Variants in SOS2 observed in about 807,000 individuals in gnomAD.
SOS2 encodes the protein son of sevenless homolog 2.
SOS2 carries 65 observed loss-of-function variants against 148.2 expected under a neutral mutation model. The ratio of observed to expected loss-of-function variants is 0.44; its 90% CI spans 0.36 to 0.54. SOS2 has a LOEUF of 0.54. Among genes scored for constraint, SOS2 ranks in the 20% least tolerant of loss-of-function variants. The probability of loss-of-function intolerance (pLI) is 0.00; values close to 1 mark genes in which losing one functional copy is unlikely to be tolerated. For missense variants in SOS2, 1,341 were observed against 1,590.2 expected (o/e 0.84, Z 2.67); for synonymous variants, 539 against 537.1 (o/e 1.00, Z -0.05).
intron 21 of SOS2, among the ~76,000 whole-genome samples, chr14:50,128,910 G>A (rs1475087511): frequency 6.6e-6 from 1 of 151,998 alleles, no homozygotes; most frequent in Non-Finnish European, 1.5e-5. Flanking sequence ...ATGAGCCACT[G>A]TGCCTGGCCA....
chr14:50,228,435 C>T (rs1324349219), intron 1 of SOS2, among the ~76,000 whole-genome samples: 1 of 152,034 alleles, frequency 6.6e-6, no homozygotes, highest in Non-Finnish European at 1.5e-5. Flanking sequence ...GTATGTAACC[C>T]AACAGTCTTA....
chr14:50,141,979 T>A lies in SOS2; in HGVS notation c.2668-1920A>T, dbSNP rs146893777. On this transcript the variant is annotated intron_variant, in intron 16 of 22. Coordinates refer to ENST00000216373, the MANE Select transcript of SOS2 (RefSeq NM_006939.4). Reference sequence around the variant, plus strand: ...GGCCTACAGATATAGGCATTCAATTTATGACACATTTATTAAATACATTAA... The same window carrying A: ...GGCCTACAGATATAGGCATTCAATTAATGACACATTTATTAAATACATTAA... Among the ~76,000 whole-genome samples the A allele has an allele frequency of 2.4e-4, 36 of 151,824 alleles. 1 individual carries two copies. In the East Asian group the frequency reaches 7.0e-3, roughly 29 times the overall value.
At chr14:50,127,677 A>G (rs942057210) in intron 21 of SOS2, among the ~76,000 whole-genome samples, 5 of 152,168 alleles carry the variant, frequency 3.3e-5, no homozygotes, top group African/African-American at 1.2e-4. Flanking sequence ...TCTGTATGAC[A>G]TTGGGTCCTC....
chr14:50,142,510 T>A (rs1331163040), intron 16 of SOS2, among the ~76,000 whole-genome samples: 1 of 152,182 alleles, frequency 6.6e-6, no homozygotes, highest in Non-Finnish European at 1.5e-5. Flanking sequence ...TCAATACTTA[T>A]CCAGTTCCAC....
At chr14:50,212,599 T>C (rs1165918504) in intron 1 of SOS2, among the ~76,000 whole-genome samples, 1 of 152,358 alleles carries the variant, frequency 6.6e-6, no homozygotes, top group East Asian at 1.9e-4. Context: ...CCTTAAACTG[T>C]ATATTTATCC....
chr14:50,181,954 T>C (rs1274515047), intron 6 of SOS2, among the ~76,000 whole-genome samples: 2 of 146,602 alleles, frequency 1.4e-5, no homozygotes, highest in Non-Finnish European at 1.5e-5. Context: ...CTATGGTCAA[T>C]AAAATGTATC....
intron 1 of SOS2, among the ~76,000 whole-genome samples, chr14:50,210,440 C>T (rs909824977): frequency 6.6e-6 from 1 of 152,056 alleles, no homozygotes; most frequent in Admixed American, 6.6e-5. Context: ...AAAGCTCTGA[C>T]AGTGTAAAAC....
chr14:50,137,505 A>T (rs1453020268), intron 18 of SOS2, among the ~76,000 whole-genome samples: 1 of 152,216 alleles, frequency 6.6e-6, no homozygotes, highest in East Asian at 1.9e-4. Flanking sequence ...TTCAAAAGAA[A>T]GTACTTAGTA....
chr14:50,181,014 G>A (rs1449259850), intron 6 of SOS2, among the ~76,000 whole-genome samples: 3 of 152,128 alleles, frequency 2.0e-5, no homozygotes, highest in Non-Finnish European at 4.4e-5. Flanking sequence ...AGTTAGTGAA[G>A]GGAAAGGGTG....
chr14:50,147,344 T>C (rs1242723384), intron 14 of SOS2, among the ~76,000 whole-genome samples: 1 of 151,966 alleles, frequency 6.6e-6, no homozygotes, highest in East Asian at 1.9e-4. Context: ...CTCATCTCTA[T>C]GAAATTTTTT....
Position 50,118,697 on chromosome 14 carries a change from G to A in SOS2, c.3646C>T (p.Pro1216Ser). Residue 1216 changes from proline to serine, a missense_variant, in exon 23 of 23, where the codon CCT (proline) becomes TCT (serine). Transcript: ENST00000216373. ...GGAGGCCGAAGGGGAACTGGTGGAG[G>A]GGTATCAGGAAGAGGATCTCTTGGT... ...PPPRDPLPDT[P>S]PPVPLRPPEH... 6.2e-7 allele frequency: 1 copy of A among 1,613,820 alleles called. No homozygotes were observed. The highest frequency in any genetic ancestry group is 8.5e-7 in the Non-Finnish European group (1 of 1,179,962).
intron 4 of SOS2, among the ~76,000 whole-genome samples, chr14:50,195,463 A>T (rs1595013817): frequency 6.6e-6 from 1 of 150,846 alleles, no homozygotes. Context: ...ATGACTTATT[A>T]AAAAAAAATA....
At position 50,159,859 on chromosome 14, in the gene SOS2, T is replaced by G; in HGVS notation, c.1424A>C (p.Gln475Pro). 1.2e-6 allele frequency: 2 copies of G among 1,614,194 alleles called. No individual in the cohort carries two copies. The highest frequency in any genetic ancestry group is 1.3e-5 in the African/African-American group (1 of 75,066). The change falls in exon 10 of 23, where the codon CAG (glutamine) becomes CCG (proline). Residue 475 changes from glutamine (Q) to proline (P), a missense_variant. Physicochemically the swap from Gln to Pro is moderately conservative, Grantham distance 76. Transcript: ENST00000216373. Reference sequence around the variant, plus strand: ...ACTACTGTAACCTGGAAGCCGAGTCTGGCCATGATTAGGTTTACAACTGAT... The same window carrying G: ...ACTACTGTAACCTGGAAGCCGAGTCGGGCCATGATTAGGTTTACAACTGAT... ...LMISCKPNHGQTRLPGYSSAE... is the reference protein window; with the variant it reads ...LMISCKPNHGPTRLPGYSSAE...
intron 7 of SOS2, among the ~76,000 whole-genome samples, chr14:50,178,054 AT>A (rs1333192317): frequency 6.6e-5 from 10 of 152,218 alleles, no homozygotes; most frequent in Middle Eastern, 3.2e-3. Flanking sequence ...AGCTATAATA[AT>A]TAAGAGACTT....
At chr14:50,199,891 A>AATACTTGACAGT in intron 3 of SOS2, 36 bp from the exon 4 acceptor site, 2 of 1,349,698 alleles carry the variant, frequency 1.5e-6, no homozygotes, top group Non-Finnish European at 2.1e-6. Flanking sequence ...TGCAAAATGT[A>AATACTTGACAGT]GCACTGTCAA....
At position 50,231,324 on chromosome 14, in the gene SOS2, G is replaced by C. The variant is rs1318970550; in HGVS notation, c.-41C>G. ...GCCTCCGCATCGGGGGCAGCCCGCGGGCCGGGCCGGTGGCCTGACAGGCAG... is the reference window on the plus strand; with the variant it reads ...GCCTCCGCATCGGGGGCAGCCCGCGCGCCGGGCCGGTGGCCTGACAGGCAG... On this transcript the variant is annotated 5_prime_UTR_variant, in exon 1 of 23. Coordinates refer to ENST00000216373, the MANE Select transcript of SOS2 (RefSeq NM_006939.4). The C allele has an allele frequency of 8.4e-7, 1 of 1,185,134 alleles. No individual in the cohort carries two copies. The highest frequency in any genetic ancestry group is 1.1e-6 in the Non-Finnish European group (1 of 908,030). 73.4% of individuals were successfully genotyped at this position (1,185,134 alleles called of 1,614,324 possible).
Position 50,157,111 on chromosome 14 carries a change from G to A in SOS2, c.1945C>T (p.Pro649Ser), listed in dbSNP as rs1884846766. ...LSLLIERFEI[P>S]EPEPTDADKL... ...TCTGCGTCAGTAGGTTCTGGCTCTG[G>A]AATTTCAAACCTAAGAAGAAAAGCA... Residue 649 changes from proline (P) to serine (S), a missense_variant, in exon 12 of 23, where the codon CCA (proline) becomes TCA (serine). Pro to Ser is a moderately conservative substitution (Grantham distance 74). Around this residue, in one of 4 missense-constraint regions of SOS2, gnomAD observed 408 missense variants for 506.6 expected, o/e 0.81. Transcript: ENST00000216373. 6.2e-7 allele frequency: 1 copy of A among 1,610,338 alleles called. No homozygotes were observed.
chr14:50,204,266 T>G lies in SOS2; in HGVS notation c.213+18A>C, dbSNP rs143888968. 5.9e-6 allele frequency: 9 copies of G among 1,538,104 alleles called. No homozygotes were observed. The highest frequency in any genetic ancestry group is 1.4e-5 in the African/African-American group (1 of 71,518). On this transcript the variant is annotated intron_variant, in intron 2 of 22. Transcript: ENST00000216373. Reference sequence around the variant, plus strand: ...ACAGTGGTTGAGTGACTTTTTGAAATGACAAAATAATTTTTACCTCTACAT... The same window carrying G: ...ACAGTGGTTGAGTGACTTTTTGAAAGGACAAAATAATTTTTACCTCTACAT...
At chr14:50,123,113 T>G (rs1883573168) in intron 21 of SOS2, among the ~76,000 whole-genome samples, 1 of 151,946 alleles carries the variant, frequency 6.6e-6, no homozygotes, top group Non-Finnish European at 1.5e-5. Flanking sequence ...ATAGGGTGAT[T>G]AGGGAAGGCT....
Sources: gnomAD v4.1 joint callset for allele counts (sites outside exome capture counted in the v4.1 genomes callset) on GRCh38, gnomAD v4.1.1 for gene constraint, gnomAD v4.1.1 regional missense constraint, MANE v1.5 for transcripts, NCBI Gene and HGNC (gene_info 2026-07-23, HGNC 2026-07-21) for gene names.